ACSS3: variants seen among roughly 807,000 people sequenced by gnomAD.
ACSS3 encodes the protein acyl-CoA synthetase short chain family member 3.
In ACSS3, 64 loss-of-function variants were observed where a neutral mutation model predicts 84.2. That is an observed-to-expected ratio of 0.76 (90% CI 0.62 to 0.94). ACSS3 has a LOEUF of 0.94. Ranked by LOEUF, ACSS3 falls within the 40% of genes least tolerant of loss-of-function variation. The pLI is 0.00. For missense variants in ACSS3, 815 were observed against 867.6 expected (o/e 0.94, Z 0.76); for synonymous variants, 317 against 310.1 (o/e 1.02, Z -0.23).
intron 1 of ACSS3, among the ~76,000 whole-genome samples, chr12:81,081,721 G>C (rs915006395): frequency 6.6e-6 from 1 of 152,150 alleles, no homozygotes; most frequent in Non-Finnish European, 1.5e-5. Context: ...AACATTCAAT[G>C]ATAGGATTCT....
chr12:81,208,809 C>T (rs567988579), intron 9 of ACSS3, among the ~76,000 whole-genome samples: 6 of 152,236 alleles, frequency 3.9e-5, no homozygotes, highest in African/African-American at 7.2e-5. Flanking sequence ...CTTTGCTCTG[C>T]GGAATAACTC....
intron 13 of ACSS3, among the ~76,000 whole-genome samples, chr12:81,235,280 G>T (rs556954679): frequency 1.3e-5 from 2 of 150,456 alleles, no homozygotes; most frequent in African/African-American, 2.4e-5. Context: ...ATTGATCTAT[G>T]TTTTTTTTAT....
At chr12:81,192,745 A>G (rs944565308) in intron 8 of ACSS3, among the ~76,000 whole-genome samples, 1 of 152,184 alleles carries the variant, frequency 6.6e-6, no homozygotes, top group Admixed American at 6.5e-5. Flanking sequence ...AGTCAGCCAC[A>G]TAGTTTTTGT....
At chr12:81,137,501 A>T (rs2121569373) in intron 3 of ACSS3, among the ~76,000 whole-genome samples, 1 of 152,240 alleles carries the variant, frequency 6.6e-6, no homozygotes. Flanking sequence ...TGTAGTTGAA[A>T]TTAGGAATGA....
At chr12:81,126,995 G>T (rs1019392416) in intron 2 of ACSS3, among the ~76,000 whole-genome samples, 1 of 151,746 alleles carries the variant, frequency 6.6e-6, no homozygotes, top group African/African-American at 2.4e-5. Flanking sequence ...AATACAATGC[G>T]ATTCTTAAAT....
Position 81,078,142 on chromosome 12 carries a change from T to A in ACSS3, c.22T>A (p.Cys8Ser), listed in dbSNP as rs1227479885. The A allele has an allele frequency of 1.3e-6, 2 of 1,495,178 alleles. No individual in the cohort carries two copies. The highest frequency in any genetic ancestry group is 1.8e-6 in the Non-Finnish European group (2 of 1,125,846). The allele number at this position is 1,495,178 out of a possible 1,614,324, so 92.6% of individuals were successfully genotyped here. MKPSWLQ[C>S]RKVTSAGGLG... ...GGAGATGAAACCGTCTTGGCTGCAGTGTCGTAAAGTCACCAGCGCCGGGGG... is the reference window on the plus strand; with the variant it reads ...GGAGATGAAACCGTCTTGGCTGCAGAGTCGTAAAGTCACCAGCGCCGGGGG... The change falls in exon 1 of 16, where the codon TGT (cysteine) becomes AGT (serine). Residue 8 changes from cysteine to serine, a missense_variant. Cys to Ser is a moderately radical substitution (Grantham distance 112). Coordinates refer to ENST00000548058, the MANE Select transcript of ACSS3 (RefSeq NM_024560.4).
chr12:81,253,164 T>C, intron 13 of ACSS3, 143 bp from the exon 14 acceptor site: 1 of 770,194 alleles, frequency 1.3e-6, no homozygotes, highest in African/African-American at 1.8e-5. Context: ...CAGCCATGGA[T>C]TTTTGGCTTG....
At chr12:81,105,230 CAT>C (rs200992012) in intron 1 of ACSS3, among the ~76,000 whole-genome samples, 2,887 of 152,244 alleles carry the variant, frequency 0.019, 89 homozygotes, top group African/African-American at 0.066. Flanking sequence ...ATTATGAACA[CAT>C]TCAAAACAAT....
chr12:81,250,277 A>G (rs2034110105), intron 13 of ACSS3, among the ~76,000 whole-genome samples: 1 of 152,102 alleles, frequency 6.6e-6, no homozygotes, highest in Non-Finnish European at 1.5e-5. Flanking sequence ...TGGGGCCAAC[A>G]TAAAAAGCTA....
At chr12:81,177,106 A>T (rs7955877) in intron 8 of ACSS3, among the ~76,000 whole-genome samples, 27,294 of 152,122 alleles carry the variant, frequency 0.18, 2,781 homozygotes, top group East Asian at 0.4. Context: ...GACATAAATA[A>T]AATTTAGTAT....
intron 2 of ACSS3, among the ~76,000 whole-genome samples, chr12:81,133,554 A>G (rs957894622): frequency 3.9e-5 from 6 of 152,166 alleles, no homozygotes; most frequent in Non-Finnish European, 5.9e-5. Flanking sequence ...TAGTACATTC[A>G]TAGATATCCA....
chr12:81,132,912 G>T (rs756705017), intron 2 of ACSS3, among the ~76,000 whole-genome samples: 1 of 152,034 alleles, frequency 6.6e-6, no homozygotes, highest in Non-Finnish European at 1.5e-5. Flanking sequence ...GTCACTTTCT[G>T]CAGGGGTTGC....
intron 9 of ACSS3, among the ~76,000 whole-genome samples, chr12:81,214,959 C>T (rs1446552913): frequency 1.3e-5 from 2 of 152,186 alleles, no homozygotes; most frequent in Non-Finnish European, 2.9e-5. Context: ...AGAAGCTTCT[C>T]TTCCTATTAT....
chr12:81,259,406 T>C lies in ACSS3; in HGVS notation c.*4484T>C. On this transcript the variant is annotated 3_prime_UTR_variant, in exon 16 of 16. Coordinates refer to ENST00000548058, the MANE Select transcript of ACSS3 (RefSeq NM_024560.4). ...AAAACATGAAAAACAACTGGCTTCA[T>C]TTCATAAAAGCATCTGTTGTACAGA... 1 of 652,014 alleles carries C rather than the reference T, an allele frequency of 1.5e-6. No homozygotes were observed. The highest frequency in any genetic ancestry group is 1.6e-5 in the South Asian group (1 of 62,300). 40.4% of individuals were successfully genotyped at this position (652,014 alleles called of 1,614,324 possible). A position where few individuals can be genotyped will look rare whatever the true frequency, so the allele number is the denominator to read the frequency against.
intron 4 of ACSS3, among the ~76,000 whole-genome samples, chr12:81,142,796 A>T (rs989906865): frequency 6.6e-6 from 1 of 152,190 alleles, no homozygotes; most frequent in Non-Finnish European, 1.5e-5. Flanking sequence ...AAAACATGAA[A>T]CGTTATTTAA....
At chr12:81,203,759 G>T (rs1257798730) in intron 9 of ACSS3, among the ~76,000 whole-genome samples, 1 of 152,084 alleles carries the variant, frequency 6.6e-6, no homozygotes, top group African/African-American at 2.4e-5. Context: ...GAGGAGAGTT[G>T]TCTCTATTTG....
At chr12:81,079,285 G>C (rs937015104) in intron 1 of ACSS3, among the ~76,000 whole-genome samples, 1 of 152,148 alleles carries the variant, frequency 6.6e-6, no homozygotes, top group Non-Finnish European at 1.5e-5. Flanking sequence ...GATACTGAGG[G>C]TGAAGCACAG....
At chr12:81,121,665 T>C (rs1289090867) in intron 2 of ACSS3, among the ~76,000 whole-genome samples, 1 of 152,054 alleles carries the variant, frequency 6.6e-6, no homozygotes, top group Non-Finnish European at 1.5e-5. Context: ...CTATAATGAA[T>C]GATATTGCTC....
At chr12:81,215,729 T>C (rs1440717431) in intron 9 of ACSS3, among the ~76,000 whole-genome samples, 1 of 152,228 alleles carries the variant, frequency 6.6e-6, no homozygotes, top group Non-Finnish European at 1.5e-5. Flanking sequence ...TTTCCTGCCC[T>C]TTCGTACATA....
Sources: gnomAD v4.1 joint callset for allele counts (sites outside exome capture counted in the v4.1 genomes callset) on GRCh38, gnomAD v4.1.1 for gene constraint, MANE v1.5 for transcripts, NCBI Gene and HGNC (gene_info 2026-07-23, HGNC 2026-07-21) for gene names.